BTRC: variants seen among roughly 807,000 people sequenced by gnomAD.
BTRC encodes F-box/WD repeat-containing protein 1A.
A neutral mutation model predicts 85.5 loss-of-function variants in BTRC; 42 were observed. That is an observed-to-expected ratio of 0.49 (90% CI 0.38 to 0.64). The LOEUF (loss-of-function observed/expected upper bound fraction) is 0.64. Ranked by LOEUF, BTRC falls within the 30% of genes least tolerant of loss-of-function variation. The pLI is 0.00. For missense variants in BTRC, 594 were observed against 743.5 expected (o/e 0.80, Z 2.34); for synonymous variants, 255 against 263.3 (o/e 0.97, Z 0.30).
chr10:101,385,615 C>CTTTTTTTTT (rs146804594), intron 1 of BTRC, among the ~76,000 whole-genome samples: 63 of 48,820 alleles, frequency 1.3e-3, no homozygotes, highest in Middle Eastern at 0.036. Flanking sequence ...CTTTCTTCTT[C>CTTTTTTTTT]TTCTTTTTTT....
chr10:101,506,521 A>T (rs139406401), intron 4 of BTRC, among the ~76,000 whole-genome samples: 1 of 152,256 alleles, frequency 6.6e-6, no homozygotes, highest in South Asian at 2.1e-4. Context: ...ACAGGCATTG[A>T]TGAGCAGCAG....
At position 101,491,696 on chromosome 10, in the gene BTRC, CA is replaced by C. The variant is rs1258008322; in HGVS notation, c.324+12252del. ...TGGGTGACAGAGTAAGACTCCATCT[CA>C]AAAAAAAAAAAAGTCTCTTAAGGCT... On this transcript the variant is annotated intron_variant, in intron 4 of 14. Coordinates refer to ENST00000370187, the MANE Select transcript of BTRC (RefSeq NM_033637.4). 3.7e-3 allele frequency among the ~76,000 whole-genome samples: 497 copies of C among 132,548 alleles called. 3 individuals are homozygous for C. The highest frequency in any genetic ancestry group is 3.7e-3 in the Middle Eastern group (1 of 268). The allele number at this position is 132,548 out of a possible 152,430, so 87.0% of individuals were successfully genotyped here. A position where few individuals can be genotyped will look rare whatever the true frequency, so the allele number is the denominator to read the frequency against.
At chr10:101,475,161 A>G (rs889705362) in intron 3 of BTRC, among the ~76,000 whole-genome samples, 6 of 152,208 alleles carry the variant, frequency 3.9e-5, no homozygotes, top group African/African-American at 1.2e-4. Flanking sequence ...CTAATGCTCT[A>G]TTTTTTCATA....
chr10:101,550,829 C>T lies in BTRC; in HGVS notation c.1787C>T (p.Pro596Leu). 6.2e-7 allele frequency: 1 copy of T among 1,614,018 alleles called. No homozygotes were observed. Among genetic ancestry groups the T allele is most frequent in the Non-Finnish European group, 8.5e-7 (1 of 1,179,918 alleles). ...GCCCAAGCTGAACCCCCCCGTTCCC[C>T]TTCTCGAACATACACCTACATCTCC... is the stretch of plus-strand genomic sequence containing the variant. ...PAAQAEPPRS[P>L]SRTYTYISR The change falls in exon 14 of 15, where the codon CCT becomes CTT. Residue 596 changes from proline (P) to leucine (L), a missense_variant. By Grantham distance (98) the Pro-to-Leu change is moderately conservative. Around this residue, in one of 4 missense-constraint regions of BTRC, gnomAD observed 56 missense variants for 39.6 expected, o/e 1.41. Transcript: ENST00000370187.
At chr10:101,384,276 G>T (rs555341809) in intron 1 of BTRC, among the ~76,000 whole-genome samples, 1 of 152,296 alleles carries the variant, frequency 6.6e-6, no homozygotes, top group Admixed American at 6.5e-5. Context: ...TCTCCTATTA[G>T]AAATACTATA....
intron 4 of BTRC, among the ~76,000 whole-genome samples, chr10:101,492,881 T>C (rs934713247): frequency 1.3e-5 from 2 of 152,214 alleles, no homozygotes; most frequent in African/African-American, 4.8e-5. Flanking sequence ...ACATCTAGCC[T>C]GGGACACTAG....
intron 6 of BTRC, among the ~76,000 whole-genome samples, chr10:101,527,154 A>G (rs1385014954): frequency 1.3e-5 from 2 of 152,220 alleles, no homozygotes; most frequent in African/African-American, 4.8e-5. Context: ...GTCCTTCCAA[A>G]TTAATTTTAT....
At chr10:101,490,424 T>A (rs1195248793) in intron 4 of BTRC, among the ~76,000 whole-genome samples, 1 of 152,254 alleles carries the variant, frequency 6.6e-6, no homozygotes, top group South Asian at 2.1e-4. Flanking sequence ...TGAGATGGAC[T>A]GGATCCCACT....
intron 13 of BTRC, among the ~76,000 whole-genome samples, chr10:101,549,610 A>T (rs1024824412): frequency 6.7e-6 from 1 of 148,670 alleles, no homozygotes; most frequent in Non-Finnish European, 1.5e-5. Context: ...GCTACTCGGG[A>T]GGCTGAGGCA....
chr10:101,380,486 G>C (rs1214032379), intron 1 of BTRC, among the ~76,000 whole-genome samples: 1 of 152,106 alleles, frequency 6.6e-6, no homozygotes, highest in Non-Finnish European at 1.5e-5. Flanking sequence ...TTGCACAGCA[G>C]CCGGGCAGAG....
At chr10:101,466,496 C>T (rs565888655) in intron 3 of BTRC, among the ~76,000 whole-genome samples, 30 of 152,240 alleles carry the variant, frequency 2.0e-4, no homozygotes, top group African/African-American at 7.2e-4. Context: ...TTACATTTTC[C>T]TCCCCCATGC....
intron 4 of BTRC, among the ~76,000 whole-genome samples, chr10:101,491,142 G>C (rs1946121304): frequency 6.6e-6 from 1 of 151,886 alleles, no homozygotes; most frequent in Non-Finnish European, 1.5e-5. Flanking sequence ...TATTAACATA[G>C]TATACAGATC....
In BTRC at chr10:101,552,027, G is replaced by A. The variant is rs563703587; in HGVS notation, c.*32-1128G>A. ...TCTCCATATACCTACCCCCTCCTTT[G>A]CCCAAAATTTTCTCTTCCTTAGACT... is the stretch of plus-strand genomic sequence containing the variant. On this transcript the variant is annotated intron_variant, in intron 14 of 14. Coordinates refer to ENST00000370187, the MANE Select transcript of BTRC (RefSeq NM_033637.4). Among the ~76,000 whole-genome samples the A allele has an allele frequency of 5.6e-4, 85 of 151,902 alleles. 2 individuals are homozygous for A. In the South Asian group the frequency reaches 0.016, roughly 29 times the overall value.
At chr10:101,479,612 A>G (rs1265907123) in intron 4 of BTRC, among the ~76,000 whole-genome samples, 155 bp downstream of exon 4, 1 of 152,240 alleles carries the variant, frequency 6.6e-6, no homozygotes, top group Admixed American at 6.5e-5. Flanking sequence ...ACAGATTGCA[A>G]GTTAGATTCT....
chr10:101,426,353 T>C (rs914265957), intron 1 of BTRC, among the ~76,000 whole-genome samples: 3 of 152,218 alleles, frequency 2.0e-5, no homozygotes, highest in Admixed American at 6.5e-5. Flanking sequence ...TATTCAAGTA[T>C]AGTTTTCATA....
chr10:101,479,758 T>C (rs769849502), intron 4 of BTRC, among the ~76,000 whole-genome samples: 11 of 152,224 alleles, frequency 7.2e-5, no homozygotes, highest in Non-Finnish European at 1.6e-4. Context: ...TACAATTGTT[T>C]TGATAAGTTT....
intron 1 of BTRC, among the ~76,000 whole-genome samples, chr10:101,407,239 T>G: frequency 6.6e-6 from 1 of 152,052 alleles, no homozygotes; most frequent in Admixed American, 6.5e-5. Flanking sequence ...TCCCATCTAC[T>G]TGGAAGGCTG....
chr10:101,522,511 C>T (rs1192584521), intron 5 of BTRC, among the ~76,000 whole-genome samples: 1 of 139,942 alleles, frequency 7.1e-6, no homozygotes, highest in Non-Finnish European at 1.5e-5. Context: ...ACCTCTGCCT[C>T]CCAGATTCAA....
At chr10:101,359,820 G>A (rs1297059702) in intron 1 of BTRC, among the ~76,000 whole-genome samples, 2 of 152,008 alleles carry the variant, frequency 1.3e-5, no homozygotes, top group African/African-American at 4.8e-5. Flanking sequence ...GGCTGGTCTC[G>A]AACTCCCAAC....
Sources: allele counts gnomAD v4.1 joint callset (sites outside exome capture counted in the v4.1 genomes callset), GRCh38; gene constraint gnomAD v4.1.1; regional missense constraint gnomAD v4.1.1; transcripts MANE v1.5; gene names NCBI Gene and HGNC (gene_info 2026-07-23, HGNC 2026-07-21).